Variants in KCNC2 observed in about 807,000 individuals in gnomAD.
KCNC2 encodes potassium voltage-gated channel subfamily C member 2.
Under a neutral mutation model 44.5 loss-of-function variants are expected in KCNC2, and 21 were observed. That is an observed-to-expected ratio of 0.47 (90% CI 0.33 to 0.68). The LOEUF (loss-of-function observed/expected upper bound fraction) is 0.68. Among genes scored for constraint, KCNC2 ranks in the 30% least tolerant of loss-of-function variants. KCNC2 has a pLI of 0.01. For missense variants in KCNC2, 589 were observed against 826.2 expected (o/e 0.71, Z 3.52); for synonymous variants, 391 against 339.1 (o/e 1.15, Z -1.68).
chr12:75,107,087 G>A (rs1350121551), intron 2 of KCNC2, among the ~76,000 whole-genome samples: 1 of 152,130 alleles, frequency 6.6e-6, no homozygotes, highest in Admixed American at 6.6e-5. Context: ...GGCAGATCAT[G>A]AGGTTAGGAG....
At chr12:75,047,156 A>G (rs1047384208) in intron 4 of KCNC2, among the ~76,000 whole-genome samples, 1 of 152,064 alleles carries the variant, frequency 6.6e-6, no homozygotes, top group African/African-American at 2.4e-5. Context: ...GTCAACAAAC[A>G]GAGGAAAAAT....
At chr12:75,186,353 T>C (rs564989397) in intron 2 of KCNC2, among the ~76,000 whole-genome samples, 1 of 152,240 alleles carries the variant, frequency 6.6e-6, no homozygotes, top group African/African-American at 2.4e-5. Flanking sequence ...GCATTCCCAG[T>C]GTTGCCCTCT....
chr12:75,193,514 G>A (rs2030492064), intron 2 of KCNC2, among the ~76,000 whole-genome samples: 1 of 152,014 alleles, frequency 6.6e-6, no homozygotes, highest in South Asian at 2.1e-4. Context: ...TTAGAATATA[G>A]CTAGCAAGAA....
At chr12:75,197,089 T>C (rs541060778) in intron 2 of KCNC2, among the ~76,000 whole-genome samples, 2 of 152,184 alleles carry the variant, frequency 1.3e-5, no homozygotes, top group African/African-American at 4.8e-5. Flanking sequence ...GGGTGAGACC[T>C]GAGTTGCACA....
chr12:75,070,874 C>T (rs1343710864), intron 2 of KCNC2, among the ~76,000 whole-genome samples: 1 of 151,996 alleles, frequency 6.6e-6, no homozygotes, highest in Non-Finnish European at 1.5e-5. Flanking sequence ...AGGACATATA[C>T]ATGTAGAAGA....
intron 2 of KCNC2, among the ~76,000 whole-genome samples, chr12:75,186,954 A>G (rs1488869931): frequency 6.6e-6 from 1 of 152,220 alleles, no homozygotes; most frequent in Non-Finnish European, 1.5e-5. Context: ...TCTTTTTATT[A>G]GCCATCTTAA....
chr12:75,163,359 T>C (rs752864033), intron 2 of KCNC2, among the ~76,000 whole-genome samples: 3 of 151,768 alleles, frequency 2.0e-5, no homozygotes, highest in Non-Finnish European at 4.4e-5. Context: ...GGAATCATTA[T>C]GGAGAATAAA....
chr12:75,137,007 C>G (rs1889279763), intron 2 of KCNC2, among the ~76,000 whole-genome samples: 1 of 152,074 alleles, frequency 6.6e-6, no homozygotes, highest in South Asian at 2.1e-4. Flanking sequence ...CTCTATTTTC[C>G]TCTTATTCCT....
intron 2 of KCNC2, among the ~76,000 whole-genome samples, chr12:75,183,605 T>C (rs1892743205): frequency 6.6e-6 from 1 of 152,180 alleles, no homozygotes; most frequent in Non-Finnish European, 1.5e-5. Flanking sequence ...TGAAATATTA[T>C]CCACATATGT....
intron 2 of KCNC2, among the ~76,000 whole-genome samples, chr12:75,113,756 A>G (rs1039112086): frequency 9.9e-5 from 15 of 152,162 alleles, no homozygotes; most frequent in Non-Finnish European, 2.1e-4. Context: ...AGAACCTCTT[A>G]TCTATTTTGT....
At chr12:75,189,150 C>T (rs1593061541) in intron 2 of KCNC2, among the ~76,000 whole-genome samples, 1 of 152,278 alleles carries the variant, frequency 6.6e-6, no homozygotes, top group African/African-American at 2.4e-5. Context: ...AGGGAAATAA[C>T]ATTAGCCAAG....
At chr12:75,131,317 AT>A (rs1476712934) in intron 2 of KCNC2, among the ~76,000 whole-genome samples, 3 of 152,188 alleles carry the variant, frequency 2.0e-5, no homozygotes, top group Non-Finnish European at 4.4e-5. Flanking sequence ...TAATTACATT[AT>A]TTATTCCTTA....
At chr12:75,122,861 AGTTTT>A (rs1888140811) in intron 2 of KCNC2, among the ~76,000 whole-genome samples, 3 of 152,156 alleles carry the variant, frequency 2.0e-5, no homozygotes, top group Admixed American at 1.3e-4. Context: ...TTTGTAACTT[AGTTTT>A]ATTTTCACAA....
intron 2 of KCNC2, among the ~76,000 whole-genome samples, chr12:75,052,010 C>T (rs991961003): frequency 3.3e-5 from 5 of 151,900 alleles, no homozygotes; most frequent in Non-Finnish European, 5.9e-5. Context: ...TCAAAGTGTT[C>T]GAGTAACATA....
chr12:75,059,901 TAATCTCATCTACTTCCATG>T (rs2136983442), intron 2 of KCNC2, among the ~76,000 whole-genome samples: 1 of 152,232 alleles, frequency 6.6e-6, no homozygotes, highest in African/African-American at 2.4e-5. Flanking sequence ...TAAAATCTGG[TAATCTCATCTACTTCCATG>T]AATCCACCTG....
At chr12:75,086,674 A>AT (rs1565842458) in intron 2 of KCNC2, among the ~76,000 whole-genome samples, 78 of 85,228 alleles carry the variant, frequency 9.2e-4, no homozygotes, top group African/African-American at 3.8e-3. Context: ...AAAAAAAAAA[A>AT]AAAAAAAATA....
At chr12:75,112,682 T>C (rs562197665) in intron 2 of KCNC2, among the ~76,000 whole-genome samples, 7 of 151,986 alleles carry the variant, frequency 4.6e-5, no homozygotes, top group Non-Finnish European at 1.0e-4. Context: ...TAAGAAATAT[T>C]CCCAAAATTT....
intron 2 of KCNC2, among the ~76,000 whole-genome samples, chr12:75,136,082 A>G (rs775531379): frequency 2.0e-5 from 3 of 152,028 alleles, no homozygotes; most frequent in Non-Finnish European, 4.4e-5. Flanking sequence ...TCTGTCCACT[A>G]TAACCTCCTC....
intron 2 of KCNC2, among the ~76,000 whole-genome samples, chr12:75,108,115 A>C (rs1433845103): frequency 1.3e-5 from 2 of 152,198 alleles, no homozygotes; most frequent in Non-Finnish European, 2.9e-5. Flanking sequence ...TCAAACAGAT[A>C]TTTGCTACAT....
Sources: allele counts gnomAD v4.1 joint callset (sites outside exome capture counted in the v4.1 genomes callset), GRCh38; gene constraint gnomAD v4.1.1; transcripts MANE v1.5; gene names NCBI Gene and HGNC (gene_info 2026-07-23, HGNC 2026-07-21).